The following NR6A1 variants were observed in gnomAD, a reference collection of about 807,000 sequenced individuals.
NR6A1 encodes the protein retinoic acid receptor-related testis-associated receptor.
A neutral mutation model predicts 59.1 loss-of-function variants in NR6A1; 7 were observed. That is an observed-to-expected ratio of 0.12 (90% CI 0.07 to 0.22). The LOEUF (loss-of-function observed/expected upper bound fraction) is 0.22. NR6A1 is among the 10% of genes least tolerant of loss of function. The probability of loss-of-function intolerance (pLI) is 1.00; values close to 1 mark genes in which losing one functional copy is unlikely to be tolerated. For missense variants in NR6A1, 468 were observed against 611.6 expected (o/e 0.77, Z 2.48); for synonymous variants, 243 against 236.1 (o/e 1.03, Z -0.27).
intron 2 of NR6A1, among the ~76,000 whole-genome samples, chr9:124,647,145 G>T (rs1836951994): frequency 6.6e-6 from 1 of 152,076 alleles, no homozygotes; most frequent in Non-Finnish European, 1.5e-5. Flanking sequence ...CCAAACTCCT[G>T]GTCTCAAGTG....
At chr9:124,586,226 G>A (rs1834929161) in intron 2 of NR6A1, among the ~76,000 whole-genome samples, 1 of 152,084 alleles carries the variant, frequency 6.6e-6, no homozygotes, top group African/African-American at 2.4e-5. Flanking sequence ...CTTCTGGAAA[G>A]GATTCACTAT....
chr9:124,663,509 A>G (rs761478391), intron 2 of NR6A1, among the ~76,000 whole-genome samples: 3 of 152,118 alleles, frequency 2.0e-5, no homozygotes, highest in Non-Finnish European at 4.4e-5. Context: ...TAAAATACAA[A>G]TATCAATCCC....
In NR6A1 at chr9:124,668,311, T is replaced by G. The variant is rs145888240; in HGVS notation, c.142+64997A>C. 5.5e-3 allele frequency among the ~76,000 whole-genome samples: 841 copies of G among 152,096 alleles called. 7 individuals are homozygous for G. Among genetic ancestry groups the G allele is most frequent in the African/African-American group, 0.019 (799 of 41,502 alleles). ...CAAAGAGGAGGAGGAAGAGAAGGGG[T>G]TGGTCTTGCTGTCACAAGGGTGGCA... On this transcript the variant is annotated intron_variant, in intron 2 of 9. Transcript: ENST00000487099.
At chr9:124,729,567 G>T (rs1402244154) in intron 2 of NR6A1, among the ~76,000 whole-genome samples, 1 of 152,076 alleles carries the variant, frequency 6.6e-6, no homozygotes, top group Non-Finnish European at 1.5e-5. Context: ...TTGGACAAAA[G>T]AGTAAGACCC....
At position 124,706,958 on chromosome 9, in the gene NR6A1, T is replaced by A. The variant is rs531531757; in HGVS notation, c.142+26350A>T. Among the ~76,000 whole-genome samples, 34 of 152,314 alleles carry A rather than the reference T, an allele frequency of 2.2e-4. No individual in the cohort carries two copies. The East Asian group carries it at 6.4e-3, about 28-fold the overall frequency. ...TTTTTTTTCTCGTTGCTTTCAAGAT[T>A]TTCTCCTTGTCCTTATCTTTCCACA... is the stretch of plus-strand genomic sequence containing the variant. On this transcript the variant is annotated intron_variant, in intron 2 of 9. Coordinates refer to ENST00000487099, the MANE Select transcript of NR6A1 (RefSeq NM_033334.4).
chr9:124,671,972 C>T (rs1837805905), intron 2 of NR6A1, among the ~76,000 whole-genome samples: 1 of 152,160 alleles, frequency 6.6e-6, no homozygotes, highest in African/African-American at 2.4e-5. Flanking sequence ...GCTATTTTAT[C>T]GTCTCAATAA....
intron 2 of NR6A1, among the ~76,000 whole-genome samples, chr9:124,692,028 T>C (rs1441795237): frequency 6.6e-6 from 1 of 152,202 alleles, no homozygotes; most frequent in African/African-American, 2.4e-5. Flanking sequence ...CTTATAACCT[T>C]GGCTCCTGGC....
At position 124,610,784 on chromosome 9, in the gene NR6A1, T is replaced by C. The variant is rs530266808; in HGVS notation, c.143-56214A>G. On this transcript the variant is annotated intron_variant, in intron 2 of 9. Coordinates refer to ENST00000487099, the MANE Select transcript of NR6A1 (RefSeq NM_033334.4). ...TTACTGCCTGAATTTCAGAACTCAT[T>C]ATCGGTCTATTCAGGGATTCAACTT... Among the ~76,000 whole-genome samples, 91 of 152,304 alleles carry C rather than the reference T, an allele frequency of 6.0e-4. 1 individual carries two copies. In the South Asian group the frequency reaches 0.018, roughly 30 times the overall value.
intron 3 of NR6A1, among the ~76,000 whole-genome samples, chr9:124,546,807 C>T (rs956861958): frequency 4.6e-5 from 7 of 152,200 alleles, no homozygotes; most frequent in Non-Finnish European, 8.8e-5. Flanking sequence ...TATTTTCAAA[C>T]TTATAATGTT....
At chr9:124,666,246 G>A (rs2130955089) in intron 2 of NR6A1, among the ~76,000 whole-genome samples, 1 of 147,542 alleles carries the variant, frequency 6.8e-6, no homozygotes, top group South Asian at 2.2e-4. Context: ...TTGTGACCTA[G>A]ATTTTGGCGG....
intron 2 of NR6A1, among the ~76,000 whole-genome samples, chr9:124,560,556 G>C (rs554740039): frequency 6.6e-6 from 1 of 152,064 alleles, no homozygotes; most frequent in African/African-American, 2.4e-5. Context: ...TTATTCAATT[G>C]GTTTTGTCTT....
chr9:124,696,464 G>A (rs1184516204), intron 2 of NR6A1, among the ~76,000 whole-genome samples: 1 of 150,458 alleles, frequency 6.6e-6, no homozygotes, highest in Non-Finnish European at 1.5e-5. Context: ...TACTTAAAAT[G>A]CATGTATTTA....
chr9:124,537,770 G>A (rs796818091), intron 6 of NR6A1, among the ~76,000 whole-genome samples: 9 of 152,188 alleles, frequency 5.9e-5, no homozygotes, highest in African/African-American at 2.2e-4. Flanking sequence ...ACTATTCCCA[G>A]AATTACTGCT....
chr9:124,613,785 T>C (rs1314222364), intron 2 of NR6A1, among the ~76,000 whole-genome samples: 2 of 152,234 alleles, frequency 1.3e-5, no homozygotes, highest in Non-Finnish European at 2.9e-5. Flanking sequence ...AAGAAGTCTA[T>C]AATATCTTGT....
chr9:124,524,891 A>C lies in NR6A1; in HGVS notation c.1202-18T>G, dbSNP rs745805937. ...CCTGATATCTGTGGAAAAAAAAAAA[A>C]CACACACACACATACAGGGAATGGG... On this transcript the variant is annotated intron_variant, in intron 8 of 9. Coordinates refer to ENST00000487099, the MANE Select transcript of NR6A1 (RefSeq NM_033334.4). The C allele has an allele frequency of 2.3e-5, 36 of 1,554,828 alleles. No homozygotes were observed. Among genetic ancestry groups the C allele is most frequent in the African/African-American group, 3.3e-5 (2 of 60,286 alleles).
At chr9:124,639,046 G>A (rs888472883) in intron 2 of NR6A1, among the ~76,000 whole-genome samples, 14 of 152,154 alleles carry the variant, frequency 9.2e-5, no homozygotes, top group Admixed American at 2.0e-4. Flanking sequence ...TAACACAATT[G>A]AGCACTTATG....
At chr9:124,559,733 C>T (rs1233660670) in intron 2 of NR6A1, among the ~76,000 whole-genome samples, 8 of 151,990 alleles carry the variant, frequency 5.3e-5, no homozygotes, top group South Asian at 2.1e-4. Context: ...GCCAAGATTG[C>T]GCCACTGAAC....
rs535084869 is a variant in NR6A1 at position 124,551,363 on chromosome 9, C to T, written c.385+2965G>A. Among the ~76,000 whole-genome samples the T allele has an allele frequency of 4.9e-4, 75 of 152,282 alleles. 1 individual carries two copies. The South Asian group carries it at 0.014, about 29-fold the overall frequency. On this transcript the variant is annotated intron_variant, in intron 3 of 9. Coordinates refer to ENST00000487099, the MANE Select transcript of NR6A1 (RefSeq NM_033334.4). Reference sequence around the variant, plus strand: ...TTGATACACTGATTCCAATCTAGCACGAGGGGATTCATTCTGGCCTTCTCC... The same window carrying T: ...TTGATACACTGATTCCAATCTAGCATGAGGGGATTCATTCTGGCCTTCTCC...
intron 2 of NR6A1, among the ~76,000 whole-genome samples, chr9:124,582,656 G>GT (rs1197479503): frequency 8.5e-5 from 13 of 152,118 alleles, no homozygotes; most frequent in African/African-American, 3.1e-4. Context: ...GGAGGCCAAG[G>GT]TGGAAGGACT....
Sources: gnomAD v4.1 joint callset for allele counts (sites outside exome capture counted in the v4.1 genomes callset) on GRCh38, gnomAD v4.1.1 for gene constraint, MANE v1.5 for transcripts, NCBI Gene and HGNC (gene_info 2026-07-23, HGNC 2026-07-21) for gene names.